MTOR: variants seen among roughly 807,000 people sequenced by gnomAD.
The protein encoded by MTOR is mechanistic target of rapamycin kinase, also known as serine/threonine-protein kinase mTOR.
A neutral mutation model predicts 319.8 loss-of-function variants in MTOR; 70 were observed. That is an observed-to-expected ratio of 0.22 (90% CI 0.18 to 0.27). MTOR has a LOEUF of 0.27. MTOR is among the 10% of genes least tolerant of loss of function. The pLI is 1.00. For synonymous variants in MTOR, 1,183 were observed against 1,211.4 expected (o/e 0.98, Z 0.49); for missense variants, 1,890 against 3,274.4 (o/e 0.58, Z 10.32).
intron 13 of MTOR, among the ~76,000 whole-genome samples, chr1:11,234,930 T>A (rs1647148127): frequency 6.6e-6 from 1 of 152,178 alleles, no homozygotes. Flanking sequence ...GATTTCTGGA[T>A]AAAGCTGCCA....
At position 11,240,538 on chromosome 1, in the gene MTOR, G is replaced by A; in HGVS notation, c.1551C>T (p.Leu517=). Residue 517 remains leucine, a synonymous_variant, in exon 11 of 58, where the codon CTC becomes CTT. Transcript: ENST00000361445. The part of the protein sequence containing the change: ...PMLAVGLSPA[L]TAVLYDLSRQ... ...GGCTCAGGTCGTAGAGCACTGCAGT[G>A]AGGGCAGGGCTGAGGGGAAGGAAAC... 4 of 1,614,088 alleles carry A rather than the reference G, an allele frequency of 2.5e-6. No individual in the cohort carries two copies. The highest frequency in any genetic ancestry group is 1.3e-5 in the African/African-American group (1 of 75,054).
intron 5 of MTOR, 90 bp downstream of exon 5, chr1:11,255,902 C>T: frequency 1.6e-6 from 2 of 1,227,172 alleles, no homozygotes; most frequent in Non-Finnish European, 2.3e-6. Flanking sequence ...ATTCTTGCTC[C>T]ATGGCAAGGG....
At chr1:11,126,569 T>G in intron 46 of MTOR, 53 bp downstream of exon 46, 1 of 1,575,774 alleles carries the variant, frequency 6.3e-7, no homozygotes, top group Admixed American at 1.7e-5. Flanking sequence ...GGAAGGGGTC[T>G]CAGCCAGTGT....
At chr1:11,233,072 C>T in intron 15 of MTOR, 1 of 1,069,000 alleles carries the variant, frequency 9.4e-7, no homozygotes, top group South Asian at 1.2e-5. Flanking sequence ...AAACCAGGTA[C>T]AACTCCAAAA....
chr1:11,183,171 G>A (rs1645212557), intron 28 of MTOR, among the ~76,000 whole-genome samples: 1 of 152,200 alleles, frequency 6.6e-6, no homozygotes, highest in Non-Finnish European at 1.5e-5. Context: ...TTGGTGTGCA[G>A]TGGCATTTTA....
At chr1:11,258,771 T>C (rs954377692) in intron 2 of MTOR, among the ~76,000 whole-genome samples, 178 bp from the exon 3 acceptor site, 5 of 152,196 alleles carry the variant, frequency 3.3e-5, no homozygotes, top group African/African-American at 1.2e-4. Flanking sequence ...CTTGCAATCA[T>C]CTGATTATTT....
chr1:11,135,933 G>C (rs532252847), intron 36 of MTOR, among the ~76,000 whole-genome samples: 4 of 148,832 alleles, frequency 2.7e-5, no homozygotes, highest in East Asian at 4.0e-4. Context: ...TCAGGAGTTC[G>C]AGACCAGCCT....
chr1:11,175,890 C>T (rs930339757), intron 28 of MTOR, among the ~76,000 whole-genome samples: 16 of 151,994 alleles, frequency 1.1e-4, no homozygotes, highest in African/African-American at 3.6e-4. Context: ...ATTACAGGTG[C>T]GCGCCACTAC....
In MTOR at chr1:11,180,780, G is replaced by A. The variant is rs556050399; in HGVS notation, c.4254-13263C>T. 1.2e-3 allele frequency among the ~76,000 whole-genome samples: 178 copies of A among 150,604 alleles called. 1 individual carries two copies. The Middle Eastern group carries it at 0.014, about 12-fold the overall frequency. On this transcript the variant is annotated intron_variant, in intron 28 of 57. Coordinates refer to ENST00000361445, the MANE Select transcript of MTOR (RefSeq NM_004958.4). ...ACTACAGCTGCCCAGAAATAAGGCA[G>A]GTTTTTTTTTTTTTTTTGACGGAGT...
chr1:11,107,941 CA>C (rs769903176), intron 57 of MTOR, among the ~76,000 whole-genome samples: 2 of 152,228 alleles, frequency 1.3e-5, no homozygotes, highest in African/African-American at 2.4e-5. Context: ...TCTCCTGAAC[CA>C]CTTATCTTAA....
At chr1:11,120,560 C>T (rs113879959) in intron 49 of MTOR, among the ~76,000 whole-genome samples, 1,571 of 151,898 alleles carry the variant, frequency 0.01, 38 homozygotes, top group African/African-American at 0.037. Context: ...CTATGTTGCC[C>T]AGGCTGGTAT....
In MTOR at chr1:11,127,387, G is replaced by T. The variant is rs111294194; in HGVS notation, c.6216+237C>A. ...ACGAGATGACCTCTTGAGAAATCTTGGGCTTTTCCAGTTAAAATTCAGAAG... is the reference window on the plus strand; with the variant it reads ...ACGAGATGACCTCTTGAGAAATCTTTGGCTTTTCCAGTTAAAATTCAGAAG... On this transcript the variant is annotated intron_variant, in intron 44 of 57. Transcript: ENST00000361445. This position sits in a 1 kb window ranked among gnomAD's most constrained non-coding sequence, Gnocchi z 5.5. 2.4e-4 allele frequency among the ~76,000 whole-genome samples: 37 copies of T among 152,074 alleles called. No homozygotes were observed. The highest frequency in any genetic ancestry group is 8.2e-4 in the African/African-American group (34 of 41,402).
At chr1:11,247,778 T>C in intron 7 of MTOR, 41 bp downstream of exon 7, 1 of 1,613,166 alleles carries the variant, frequency 6.2e-7, no homozygotes, top group Non-Finnish European at 8.5e-7. Context: ...AAGTGAGGTG[T>C]GGAGCTTAGG....
At chr1:11,141,569 A>C (rs1322604851) in intron 34 of MTOR, among the ~76,000 whole-genome samples, 1 of 151,580 alleles carries the variant, frequency 6.6e-6, no homozygotes, top group Non-Finnish European at 1.5e-5. Flanking sequence ...GGGTTTTGCT[A>C]TGTTGGCCAG....
chr1:11,230,788 C>T, intron 18 of MTOR, 137 bp downstream of exon 18: 3 of 1,194,830 alleles, frequency 2.5e-6, no homozygotes, highest in South Asian at 2.9e-5. Flanking sequence ...AAACTACTGA[C>T]TTTTCATTCA....
rs75573431 is a variant in MTOR, at chr1:11,114,802, T to C, written c.7164+11A>G. ...CCATTTGGAAGCAGCTCGTTCCCGA[T>C]ATCCACTCACCTCCATAGCATTGGT... On this transcript the variant is annotated intron_variant, in intron 52 of 57. Transcript: ENST00000361445. The C allele has an allele frequency of 1.4e-3, 2,291 of 1,613,732 alleles. 25 individuals are homozygous for C. The African/African-American group carries it at 0.026, about 18-fold the overall frequency.
chr1:11,202,152 G>A (rs531973747), intron 26 of MTOR, among the ~76,000 whole-genome samples: 16 of 152,186 alleles, frequency 1.1e-4, no homozygotes, highest in East Asian at 5.8e-4. Flanking sequence ...TATTTAGGCC[G>A]GGCACAGTGG....
In MTOR at chr1:11,130,583, G is replaced by A. The variant is rs559172204; in HGVS notation, c.5559C>T (p.Ala1853=). The part of the protein sequence containing the change: ...STEGSNSESE[A]ESTENSPTPS... ...GGGTGGGGCTGTTCTCGGTGCTCTC[G>A]GCCTCGCTCTCACTGTTGCTGCCCT... Residue 1853 remains alanine, a synonymous_variant, in exon 39 of 58, where the codon GCC becomes GCT. Transcript: ENST00000361445. The A allele has an allele frequency of 1.4e-4, 228 of 1,613,592 alleles. No individual in the cohort carries two copies. Among genetic ancestry groups the A allele is most frequent in the Admixed American group, 1.7e-4 (10 of 59,994 alleles).
chr1:11,189,925 G>A (rs1183507212), intron 28 of MTOR: 1 of 1,613,336 alleles, frequency 6.2e-7, no homozygotes, highest in Admixed American at 1.7e-5. Context: ...GCAGCTGCAG[G>A]CAGCACAGAC....
Sources: allele counts gnomAD v4.1 joint callset (sites outside exome capture counted in the v4.1 genomes callset), GRCh38; gene constraint gnomAD v4.1.1; non-coding constraint Gnocchi (gnomAD v3.1); transcripts MANE v1.5; gene names NCBI Gene and HGNC (gene_info 2026-07-23, HGNC 2026-07-21).